The following ANTXR1 variants were observed in gnomAD, a reference collection of about 807,000 sequenced individuals.
ANTXR1 encodes the protein anthrax toxin receptor 1.
In ANTXR1, 19 loss-of-function variants were observed where a neutral mutation model predicts 78.1. The ratio of observed to expected loss-of-function variants is 0.24; its 90% CI spans 0.17 to 0.36. ANTXR1 has a LOEUF of 0.36. ANTXR1 is among the 10% of genes least tolerant of loss of function. The probability of loss-of-function intolerance (pLI) is 1.00; values close to 1 mark genes in which losing one functional copy is unlikely to be tolerated. For missense variants in ANTXR1, 518 were observed against 718.6 expected, an observed-to-expected ratio of 0.72 and a Z score of 3.19; for synonymous variants, 273 against 260.5, an observed-to-expected ratio of 1.05 and a Z score of -0.46.
intron 3 of ANTXR1, among the ~76,000 whole-genome samples, chr2:69,056,841 A>AT (rs1016557848): frequency 6.6e-5 from 10 of 151,724 alleles, no homozygotes; most frequent in South Asian, 2.1e-4. Context: ...GCCCAGCTAA[A>AT]TTTTTTTATT....
rs1676008572 is a variant in ANTXR1, at chr2:69,245,760, C to T, written c.*275C>T. 1 of 440,310 alleles carries T rather than the reference C, an allele frequency of 2.3e-6. No homozygotes were observed. The highest frequency in any genetic ancestry group is 4.0e-6 in the Non-Finnish European group (1 of 247,120). 27.3% of individuals were successfully genotyped at this position (440,310 alleles called of 1,614,324 possible). A position where few individuals can be genotyped will look rare whatever the true frequency, so the allele number is the denominator to read the frequency against. On this transcript the variant is annotated 3_prime_UTR_variant, in exon 18 of 18. Transcript: ENST00000303714. ...CCAGAGACAGTGAAACTGCAAGATG[C>T]TCTCAACAGGATTATGTCTCATGGA...
At chr2:69,194,650 C>T (rs1173276776) in intron 17 of ANTXR1, among the ~76,000 whole-genome samples, 1 of 151,294 alleles carries the variant, frequency 6.6e-6, no homozygotes, top group Admixed American at 6.6e-5. Flanking sequence ...GTCAGGAGTT[C>T]AAGACCAGCC....
intron 13 of ANTXR1, among the ~76,000 whole-genome samples, chr2:69,159,875 C>G (rs1673630998): frequency 6.6e-6 from 1 of 152,066 alleles, no homozygotes; most frequent in Non-Finnish European, 1.5e-5. Flanking sequence ...TTGCAAAGGG[C>G]AAAAATTAAT....
At chr2:69,115,083 C>T (rs1672098134) in intron 10 of ANTXR1, among the ~76,000 whole-genome samples, 1 of 152,158 alleles carries the variant, frequency 6.6e-6, no homozygotes. Context: ...CTGTCCTGTG[C>T]ATTGGAGGAT....
In ANTXR1 at chr2:69,070,836, C is replaced by T. The variant is rs1573838718; in HGVS notation, c.378+108C>T. ...TATATTAAGAGGGCTGACTAGCACC[C>T]AATAGCAAGAGAGTACATTTTCTTC... is the stretch of plus-strand genomic sequence containing the variant. On this transcript the variant is annotated intron_variant, in intron 4 of 17. Transcript: ENST00000303714. 5.3e-6 allele frequency: 5 copies of T among 947,856 alleles called. No homozygotes were observed. In the East Asian group the frequency reaches 1.0e-4, roughly 20 times the overall value. The allele number at this position is 947,856 out of a possible 1,614,324, so 58.7% of individuals were successfully genotyped here.
chr2:69,197,128 C>T (rs1207791366), intron 17 of ANTXR1, among the ~76,000 whole-genome samples: 1 of 152,216 alleles, frequency 6.6e-6, no homozygotes, highest in Non-Finnish European at 1.5e-5. Context: ...GGCTCATGGT[C>T]CCATTGTTCC....
At chr2:69,025,043 A>G (rs1011797073) in intron 1 of ANTXR1, among the ~76,000 whole-genome samples, 4 of 152,066 alleles carry the variant, frequency 2.6e-5, no homozygotes, top group African/African-American at 9.7e-5. Context: ...ACCATATCCC[A>G]CATCTTTTTA....
intron 1 of ANTXR1, among the ~76,000 whole-genome samples, chr2:69,036,236 T>C (rs1018706557): frequency 6.6e-6 from 1 of 152,240 alleles, no homozygotes; most frequent in Non-Finnish European, 1.5e-5. Context: ...TTTATTTCTA[T>C]GGGTACATAG....
intron 16 of ANTXR1, among the ~76,000 whole-genome samples, chr2:69,191,236 T>A (rs1303247572): frequency 6.6e-6 from 1 of 152,166 alleles, no homozygotes; most frequent in Non-Finnish European, 1.5e-5. Flanking sequence ...AACACTACAC[T>A]TGGCAAGACA....
At chr2:69,186,037 C>A (rs1674408312) in intron 16 of ANTXR1, among the ~76,000 whole-genome samples, 2 of 152,112 alleles carry the variant, frequency 1.3e-5, no homozygotes, top group South Asian at 4.1e-4. Context: ...CCGCAGGCAC[C>A]AGCTATGCTT....
intron 10 of ANTXR1, among the ~76,000 whole-genome samples, chr2:69,104,020 C>T (rs2104323673): frequency 6.6e-6 from 1 of 151,128 alleles, no homozygotes; most frequent in East Asian, 1.9e-4. Context: ...CTCACTGCAA[C>T]CTCCGCCTCC....
chr2:69,030,037 C>A (rs1049954438), intron 1 of ANTXR1, among the ~76,000 whole-genome samples: 1 of 152,168 alleles, frequency 6.6e-6, no homozygotes, highest in Non-Finnish European at 1.5e-5. Flanking sequence ...TCTTTTCTTC[C>A]AAGTCCACCT....
intron 12 of ANTXR1, among the ~76,000 whole-genome samples, chr2:69,137,992 G>A (rs1169893751): frequency 2.0e-5 from 3 of 150,732 alleles, no homozygotes; most frequent in Non-Finnish European, 4.4e-5. Context: ...GCTGAGGCAG[G>A]AGAATTGCTA....
At chr2:69,238,523 T>C (rs1675823981) in intron 17 of ANTXR1, among the ~76,000 whole-genome samples, 1 of 152,238 alleles carries the variant, frequency 6.6e-6, no homozygotes, top group African/African-American at 2.4e-5. Context: ...AATTCATCAG[T>C]AGAGCACCAC....
At chr2:69,061,411 A>T (rs1023068378) in intron 3 of ANTXR1, among the ~76,000 whole-genome samples, 2 of 152,126 alleles carry the variant, frequency 1.3e-5, no homozygotes, top group Non-Finnish European at 2.9e-5. Flanking sequence ...GAGTTTGAAA[A>T]CTACTTCTCT....
At chr2:69,219,384 G>GACACACACACAC (rs377200577) in intron 17 of ANTXR1, among the ~76,000 whole-genome samples, 6,577 of 132,154 alleles carry the variant, frequency 0.05, 235 homozygotes, top group Middle Eastern at 0.075. Context: ...CCAGAAGGAG[G>GACACACACACAC]ACACACACAC....
intron 9 of ANTXR1, among the ~76,000 whole-genome samples, chr2:69,096,884 G>A (rs1409277381): frequency 2.0e-5 from 3 of 152,122 alleles, no homozygotes; most frequent in African/African-American, 7.2e-5. Context: ...CAGTACCCAG[G>A]CCAAGCATGT....
At chr2:69,054,187 A>T (rs1222594866) in intron 3 of ANTXR1, among the ~76,000 whole-genome samples, 15 of 152,066 alleles carry the variant, frequency 9.9e-5, no homozygotes, top group Admixed American at 9.8e-4. Context: ...GGGATTATCG[A>T]GGTGGAGAAA....
intron 17 of ANTXR1, among the ~76,000 whole-genome samples, chr2:69,204,442 A>G (rs1674847091): frequency 6.6e-6 from 1 of 152,144 alleles, no homozygotes; most frequent in African/African-American, 2.4e-5. Flanking sequence ...TAGAGGCACC[A>G]AAGCTGAGGT....
Sources: allele counts gnomAD v4.1 joint callset (sites outside exome capture counted in the v4.1 genomes callset), GRCh38; gene constraint gnomAD v4.1.1; transcripts MANE v1.5; gene names NCBI Gene and HGNC (gene_info 2026-07-23, HGNC 2026-07-21).